SETD2: variants seen among roughly 807,000 people sequenced by gnomAD.
SETD2 encodes SET domain containing 2, histone lysine methyltransferase.
A neutral mutation model predicts 242.1 loss-of-function variants in SETD2; 31 were observed. The ratio of observed to expected loss-of-function variants is 0.13; its 90% CI spans 0.10 to 0.17. SETD2 has a LOEUF of 0.17. SETD2 is among the 10% of genes least tolerant of loss of function. The pLI is 1.00. For synonymous variants in SETD2, 1,006 were observed against 1,066.5 expected (o/e 0.94, Z 1.11); for missense variants, 2,481 against 3,046.3 (o/e 0.81, Z 4.37).
rs562296562 is a variant in SETD2, at chr3:47,041,636, T to TACAC, written c.7238+921_7238+924dup. Among the ~76,000 whole-genome samples, 331 of 151,130 alleles carry TACAC rather than the reference T, an allele frequency of 2.2e-3. 1 individual carries two copies. The highest frequency in any genetic ancestry group is 7.4e-3 in the African/African-American group (305 of 41,288). On this transcript the variant is annotated intron_variant, in intron 17 of 20. Transcript: ENST00000409792. ...AAGATTATATAGATGGGTGTATATA[T>TACAC]ACACACACACACACACAGAGACACA...
At chr3:47,045,653 G>A (rs1311841710) in intron 16 of SETD2, among the ~76,000 whole-genome samples, 13 of 144,972 alleles carry the variant, frequency 9.0e-5, no homozygotes, top group Non-Finnish European at 1.0e-4. Flanking sequence ...AGCCAAGATC[G>A]TGTCACTGCA....
Position 47,121,069 on chromosome 3 carries a change from G to A in SETD2, c.3567C>T (p.Thr1189=), listed in dbSNP as rs140803915. The change falls in exon 3 of 21, where the codon ACC becomes ACT. Residue 1189 remains threonine, a synonymous_variant. Transcript: ENST00000409792. The stretch of plus-strand genomic sequence containing the variant: ...GCCTAGAAGGTATTTTGGCTTTCAC[G>A]GTTTCCTCTGAATTTGGGTGACCCA... ...DPLGHPNSEE[T]VKAKIPSRQQ... is the part of the protein sequence containing the mutation. The A allele has an allele frequency of 1.4e-3, 2,340 of 1,614,030 alleles. 4 individuals carry two copies. The highest frequency in any genetic ancestry group is 1.8e-3 in the Non-Finnish European group (2,146 of 1,179,964).
At chr3:47,043,798 C>T (rs2039392611) in intron 16 of SETD2, among the ~76,000 whole-genome samples, 1 of 152,074 alleles carries the variant, frequency 6.6e-6, no homozygotes, top group Non-Finnish European at 1.5e-5. Context: ...CCTCCATTAC[C>T]CTATCCTTTA....
chr3:47,063,119 T>G (rs2040409791), intron 13 of SETD2, among the ~76,000 whole-genome samples: 2 of 152,166 alleles, frequency 1.3e-5, no homozygotes, highest in Non-Finnish European at 2.9e-5. Flanking sequence ...CCCCTCCTTA[T>G]AGGCTGGTTT....
chr3:47,104,913 A>G (rs916184705), intron 6 of SETD2, among the ~76,000 whole-genome samples: 3 of 152,152 alleles, frequency 2.0e-5, no homozygotes, highest in Non-Finnish European at 4.4e-5. Flanking sequence ...AACTAGATGC[A>G]TGCAAAACCA....
At chr3:47,131,251 A>T (rs1284297683) in intron 1 of SETD2, among the ~76,000 whole-genome samples, 1 of 152,256 alleles carries the variant, frequency 6.6e-6, no homozygotes, top group East Asian at 1.9e-4. Flanking sequence ...AAGATGAAAT[A>T]ATCTTATTTT....
In SETD2 at chr3:47,072,974, G is replaced by A. The variant is rs1371493470; in HGVS notation, c.6061-5856C>T. Among the ~76,000 whole-genome samples the A allele has an allele frequency of 6.2e-3, 840 of 134,412 alleles. 9 individuals carry two copies. Among genetic ancestry groups the A allele is most frequent in the Middle Eastern group, 0.02 (5 of 256 alleles). 88.2% of individuals were successfully genotyped at this position (134,412 alleles called of 152,430 possible). ...AAAAAAAAAGAAAGAAAGAAAGAAA[G>A]AAAAAAAAAAAGGAAAAATGAAAAA... On this transcript the variant is annotated intron_variant, in intron 12 of 20. Coordinates refer to ENST00000409792, the MANE Select transcript of SETD2 (RefSeq NM_014159.7).
intron 18 of SETD2, among the ~76,000 whole-genome samples, chr3:47,030,750 A>C (rs903218429): frequency 1.3e-5 from 2 of 152,236 alleles, no homozygotes; most frequent in African/African-American, 4.8e-5. Flanking sequence ...AAGAAAATAT[A>C]AATTTAGAAT....
intron 15 of SETD2, among the ~76,000 whole-genome samples, chr3:47,052,341 T>C (rs895059178): frequency 6.6e-6 from 1 of 152,128 alleles, no homozygotes; most frequent in Non-Finnish European, 1.5e-5. Flanking sequence ...TCGGCTAATT[T>C]TGTTTACTTT....
chr3:47,120,042 C>T, intron 3 of SETD2, 140 bp downstream of exon 3: 1 of 751,184 alleles, frequency 1.3e-6, no homozygotes, highest in Non-Finnish European at 2.0e-6. Context: ...TAGGTAAAAA[C>T]ACTTTTTTAG....
In SETD2 at chr3:47,032,974, CT is replaced by C. The variant is rs529841734; in HGVS notation, c.7350+4691del. On this transcript the variant is annotated intron_variant, in intron 18 of 20. Coordinates refer to ENST00000409792, the MANE Select transcript of SETD2 (RefSeq NM_014159.7). ...GCTTTCCACAAGTACTTGTCAATTC[CT>C]TTATTTACAGTATCATTTCTGAATT... Among the ~76,000 whole-genome samples the C allele has an allele frequency of 3.9e-5, 6 of 152,134 alleles. No individual in the cohort carries two copies. The South Asian group carries it at 1.2e-3, about 32-fold the overall frequency.
intron 1 of SETD2, among the ~76,000 whole-genome samples, chr3:47,132,131 C>CTTT (rs531246872): frequency 1.2e-4 from 15 of 129,588 alleles, no homozygotes; most frequent in African/African-American, 2.6e-4. Context: ...ATACACATAT[C>CTTT]TTTTTTTTTT....
intron 5 of SETD2, among the ~76,000 whole-genome samples, chr3:47,108,131 TA>T (rs912333247): frequency 7.9e-5 from 12 of 151,926 alleles, no homozygotes; most frequent in African/African-American, 2.9e-4. Flanking sequence ...AAATAAATTT[TA>T]AAAAATGTTT....
chr3:47,023,566 G>A (rs748494482), intron 18 of SETD2, among the ~76,000 whole-genome samples: 20 of 152,012 alleles, frequency 1.3e-4, no homozygotes, highest in Non-Finnish European at 2.2e-4. Flanking sequence ...ACCTGTACAT[G>A]TCAATTTTTA....
In SETD2 at chr3:47,017,760, A is replaced by G. The variant is rs1471714112; in HGVS notation, c.7432-21T>C. 3.2e-6 allele frequency: 5 copies of G among 1,566,494 alleles called. No homozygotes were observed. Among genetic ancestry groups the G allele is most frequent in the Non-Finnish European group, 4.4e-6 (5 of 1,136,540 alleles). On this transcript the variant is annotated intron_variant, in intron 19 of 20. Transcript: ENST00000409792. This position sits in a 1 kb window ranked among gnomAD's most constrained non-coding sequence, Gnocchi z 4.8. ...GACATCTGCAGGCAGAGAAAAGAGA[A>G]CACGTTGCTCAACAGTCCAGAGAGG...
chr3:47,033,867 C>T (rs2038888141), intron 18 of SETD2, among the ~76,000 whole-genome samples: 1 of 152,034 alleles, frequency 6.6e-6, no homozygotes, highest in South Asian at 2.1e-4. Flanking sequence ...GACAGTGTTT[C>T]ACCATGTTGG....
chr3:47,075,101 T>TCC (rs2040997353), intron 12 of SETD2, among the ~76,000 whole-genome samples: 1 of 146,924 alleles, frequency 6.8e-6, no homozygotes, highest in African/African-American at 2.6e-5. Context: ...GCCACTGCAC[T>TCC]CCAGCCTGGG....
Position 47,163,852 on chromosome 3 carries a change from A to G in SETD2, c.71+2T>C. The G allele has an allele frequency of 7.7e-7, 1 of 1,298,108 alleles. No individual in the cohort carries two copies. Among genetic ancestry groups the G allele is most frequent in the Non-Finnish European group, 9.8e-7 (1 of 1,016,252 alleles). 80.4% of individuals were successfully genotyped at this position (1,298,108 alleles called of 1,614,324 possible). ...GCGGGGGGCCGCGGAGCTGATACTT[A>G]CTCAGGGGTCGGGTGCTCCGGGTCG... is the stretch of plus-strand genomic sequence containing the variant. On this transcript the variant is annotated splice_donor_variant, in intron 1 of 20. Coordinates refer to ENST00000409792, the MANE Select transcript of SETD2 (RefSeq NM_014159.7). LOFTEE classifies it high-confidence loss of function.
intron 12 of SETD2, among the ~76,000 whole-genome samples, chr3:47,081,888 T>A (rs1162090504): frequency 6.6e-6 from 1 of 152,180 alleles, no homozygotes; most frequent in Non-Finnish European, 1.5e-5. Context: ...CCCTTGACAC[T>A]AAGAATCAGG....
Sources: allele counts gnomAD v4.1 joint callset (sites outside exome capture counted in the v4.1 genomes callset), GRCh38; gene constraint gnomAD v4.1.1; non-coding constraint Gnocchi (gnomAD v3.1); transcripts MANE v1.5; gene names NCBI Gene and HGNC (gene_info 2026-07-23, HGNC 2026-07-21).